MACROD2: variants seen among roughly 807,000 people sequenced by gnomAD.
The protein encoded by MACROD2 is ADP-ribose glycohydrolase MACROD2.
A neutral mutation model predicts 70.4 loss-of-function variants in MACROD2; 36 were observed. The observed-to-expected ratio is 0.51, with a 90% CI of 0.39 to 0.68. MACROD2 has a LOEUF of 0.68. Among genes scored for constraint, MACROD2 ranks in the 30% least tolerant of loss-of-function variants. The pLI, the probability that MACROD2 is intolerant of heterozygous loss-of-function variation, is 0.00. For synonymous variants in MACROD2, 172 were observed against 178.8 expected (o/e 0.96, Z 0.30); for missense variants, 496 against 538.4 (o/e 0.92, Z 0.78).
In MACROD2 at chr20:16,030,421, G is replaced by A. The variant is rs148800896; in HGVS notation, c.1154-10780G>A. ...GGGAGCAGCTTGCTGACATGCATGT[G>A]GCATACACATCACCCTGCAAGCACA... On this transcript the variant is annotated intron_variant, in intron 15 of 17. Coordinates refer to ENST00000684519, the MANE Select transcript of MACROD2 (RefSeq NM_001351661.2). Among the ~76,000 whole-genome samples, 775 of 152,256 alleles carry A rather than the reference G, an allele frequency of 5.1e-3. 3 individuals are homozygous for A. The highest frequency in any genetic ancestry group is 7.9e-3 in the Non-Finnish European group (537 of 68,012).
intron 5 of MACROD2, among the ~76,000 whole-genome samples, chr20:14,710,853 A>G (rs2071330380): frequency 6.6e-6 from 1 of 152,190 alleles, no homozygotes; most frequent in Non-Finnish European, 1.5e-5. Flanking sequence ...CCTGATTGAT[A>G]ATCCACTTTC....
rs554280846 is a variant in MACROD2, at chr20:15,040,246, C to T, written c.419-189694C>T. ...AGGAGAATGGTAAGAACCCAGGAGG[C>T]GGAGCTTGCAGTGAGTCGAGATCGC... On this transcript the variant is annotated intron_variant, in intron 5 of 17. Transcript: ENST00000684519. Among the ~76,000 whole-genome samples the T allele has an allele frequency of 3.3e-5, 5 of 150,714 alleles. No individual in the cohort carries two copies. In the South Asian group the frequency reaches 6.3e-4, roughly 19 times the overall value.
intron 8 of MACROD2, among the ~76,000 whole-genome samples, chr20:15,767,800 CT>C: frequency 6.6e-6 from 1 of 152,028 alleles, no homozygotes; most frequent in East Asian, 1.9e-4. Flanking sequence ...AATGATTTTT[CT>C]TTTTCTGTTT....
At chr20:14,878,598 A>C (rs2073576633) in intron 5 of MACROD2, among the ~76,000 whole-genome samples, 1 of 152,230 alleles carries the variant, frequency 6.6e-6, no homozygotes, top group South Asian at 2.1e-4. Context: ...TCATTTGCTT[A>C]AATTAGTTAA....
chr20:14,520,496 T>A (rs1280825042), intron 4 of MACROD2, among the ~76,000 whole-genome samples: 167 of 151,868 alleles, frequency 1.1e-3, no homozygotes, highest in Admixed American at 1.5e-3. Flanking sequence ...GTTATTATTT[T>A]TTTTTTTTCT....
intron 8 of MACROD2, among the ~76,000 whole-genome samples, chr20:15,540,199 G>A (rs933910688): frequency 6.6e-6 from 1 of 152,180 alleles, no homozygotes; most frequent in Non-Finnish European, 1.5e-5. Context: ...GCTTGAATGT[G>A]GGGAAGTAGG....
intron 8 of MACROD2, among the ~76,000 whole-genome samples, chr20:15,573,271 G>A (rs2048399585): frequency 6.6e-6 from 1 of 152,010 alleles, no homozygotes; most frequent in Non-Finnish European, 1.5e-5. Context: ...AAACAAAATA[G>A]TATTTTTCTT....
intron 5 of MACROD2, among the ~76,000 whole-genome samples, chr20:15,021,266 G>GTGTATACGCACACC (rs1182532373): frequency 0.053 from 672 of 12,772 alleles, 94 homozygotes; most frequent in Non-Finnish European, 0.11. Flanking sequence ...ACACACCTGT[G>GTGTATACGCACACC]TGTGTGTATA....
chr20:15,656,434 C>T (rs1376547143), intron 8 of MACROD2, among the ~76,000 whole-genome samples: 2 of 152,170 alleles, frequency 1.3e-5, no homozygotes, highest in African/African-American at 2.4e-5. Context: ...GTGTGACATA[C>T]AGAGGAGAGC....
intron 5 of MACROD2, among the ~76,000 whole-genome samples, chr20:14,908,415 G>C (rs920846829): frequency 1.3e-5 from 2 of 152,114 alleles, no homozygotes; most frequent in Non-Finnish European, 1.5e-5. Context: ...AGCACTTTGG[G>C]AGGCCGAGGT....
At chr20:15,324,260 A>C (rs998324654) in intron 6 of MACROD2, among the ~76,000 whole-genome samples, 1 of 152,108 alleles carries the variant, frequency 6.6e-6, no homozygotes, top group Non-Finnish European at 1.5e-5. Context: ...CTGACATCTC[A>C]TGAAACCTAT....
chr20:15,936,649 TG>T (rs1219207365), intron 11 of MACROD2, among the ~76,000 whole-genome samples: 7 of 113,986 alleles, frequency 6.1e-5, no homozygotes, highest in Non-Finnish European at 1.0e-4. Flanking sequence ...GCCCATCTTT[TG>T]TCCATAATGT....
rs73265054 is a variant in MACROD2 at position 15,330,478 on chromosome 20, A to G, written c.540+100417A>G. On this transcript the variant is annotated intron_variant, in intron 6 of 17. Coordinates refer to ENST00000684519, the MANE Select transcript of MACROD2 (RefSeq NM_001351661.2). Reference sequence around the variant, plus strand: ...CCTATCAGAAGGAGAACTGAGCCCCAATCAAGGTGTAGATTAGTGGTTGGG... The same window carrying G: ...CCTATCAGAAGGAGAACTGAGCCCCGATCAAGGTGTAGATTAGTGGTTGGG... Among the ~76,000 whole-genome samples, 798 of 151,672 alleles carry G rather than the reference A, an allele frequency of 5.3e-3. 34 individuals carry two copies. The highest frequency in any genetic ancestry group is 0.018 in the African/African-American group (752 of 41,058).
At chr20:15,775,577 T>A (rs1272296161) in intron 8 of MACROD2, among the ~76,000 whole-genome samples, 1 of 152,138 alleles carries the variant, frequency 6.6e-6, no homozygotes, top group Non-Finnish European at 1.5e-5. Flanking sequence ...GGCCAAGAGA[T>A]GATCTGTTCG....
chr20:15,986,900 T>G, intron 14 of MACROD2, 99 bp downstream of exon 14: 2 of 1,053,376 alleles, frequency 1.9e-6, no homozygotes, highest in South Asian at 1.4e-5. Flanking sequence ...GTGTGTGTGT[T>G]TTAGGCAATG....
At chr20:14,733,811 C>T (rs6079544) in intron 5 of MACROD2, among the ~76,000 whole-genome samples, 61,347 of 152,024 alleles carry the variant, frequency 0.4, 13,770 homozygotes, top group Non-Finnish European at 0.51. Context: ...CTGATGTTGA[C>T]CTGTCAAGCT....
chr20:14,451,744 C>T (rs2084247971), intron 3 of MACROD2, among the ~76,000 whole-genome samples: 1 of 152,158 alleles, frequency 6.6e-6, no homozygotes, highest in Non-Finnish European at 1.5e-5. Flanking sequence ...GGAAGCAGGG[C>T]TGTGTGCAAG....
At chr20:14,188,312 A>T (rs1162459336) in intron 3 of MACROD2, among the ~76,000 whole-genome samples, 1 of 152,104 alleles carries the variant, frequency 6.6e-6, no homozygotes, top group East Asian at 1.9e-4. Flanking sequence ...AAACCTAAGT[A>T]GTTTGATAAA....
intron 5 of MACROD2, among the ~76,000 whole-genome samples, chr20:14,700,535 G>T (rs989814131): frequency 6.6e-6 from 1 of 151,476 alleles, no homozygotes; most frequent in Non-Finnish European, 1.5e-5. Context: ...GTGTGTGTGT[G>T]TGTGTGTGTG....
Sources: gnomAD v4.1 joint callset for allele counts (sites outside exome capture counted in the v4.1 genomes callset) on GRCh38, gnomAD v4.1.1 for gene constraint, MANE v1.5 for transcripts, NCBI Gene and HGNC (gene_info 2026-07-23, HGNC 2026-07-21) for gene names.